Variants in ARAP1 observed in about 807,000 individuals in gnomAD.
ARAP1 encodes ArfGAP with RhoGAP domain, ankyrin repeat and PH domain 1, also known as arf-GAP with Rho-GAP domain, ANK repeat and PH domain-containing protein 1.
A neutral mutation model predicts 172.2 loss-of-function variants in ARAP1; 76 were observed. The observed-to-expected ratio is 0.44, with a 90% CI of 0.37 to 0.53. The LOEUF (loss-of-function observed/expected upper bound fraction) is 0.53, where lower values mean the gene tolerates loss of function less well. ARAP1 is among the 20% of genes least tolerant of loss of function. The pLI is 0.00. For missense variants in ARAP1, 1,686 were observed against 1,977.5 expected, an observed-to-expected ratio of 0.85 and a Z score of 2.80; for synonymous variants, 804 against 803.3, an observed-to-expected ratio of 1.00 and a Z score of -0.01.
intron 1 of ARAP1, among the ~76,000 whole-genome samples, chr11:72,751,574 C>A (rs770228497): frequency 2.6e-5 from 4 of 152,102 alleles, no homozygotes; most frequent in Non-Finnish European, 5.9e-5. Context: ...CAAATCCTTC[C>A]GAGTACCCCC....
intron 22 of ARAP1, 140 bp downstream of exon 22, chr11:72,696,843 G>A (rs931690587): frequency 8.8e-6 from 9 of 1,021,418 alleles, no homozygotes; most frequent in South Asian, 1.6e-5. Flanking sequence ...ATGGAGCGGC[G>A]ATGGGAATGA....
At position 72,722,561 on chromosome 11, in the gene ARAP1, G is replaced by A. The variant is rs376692661; in HGVS notation, c.509+4059C>T. Among the ~76,000 whole-genome samples the A allele has an allele frequency of 8.1e-4, 124 of 152,350 alleles. 2 individuals carry two copies. The highest frequency in any genetic ancestry group is 6.8e-3 in the Middle Eastern group (2 of 294). ...AGGAGACAGAGAGGCTAGGAAAGAG[G>A]CTCTCTGAAGGGCGCAAGTTCTGCC... On this transcript the variant is annotated intron_variant, in intron 3 of 34. Transcript: ENST00000393609.
intron 27 of ARAP1, 72 bp downstream of exon 27, chr11:72,694,908 G>A: frequency 2.2e-6 from 3 of 1,347,978 alleles, no homozygotes; most frequent in Non-Finnish European, 3.1e-6. Context: ...CAGGGTAGGG[G>A]AGGACAGACT....
At chr11:72,727,891 C>A (rs773434397) in intron 2 of ARAP1, among the ~76,000 whole-genome samples, 2 of 152,146 alleles carry the variant, frequency 1.3e-5, no homozygotes, top group Non-Finnish European at 2.9e-5. Flanking sequence ...GAGCTCCTGG[C>A]CTGGTGGGAG....
chr11:72,702,211 G>A (rs1235523969), intron 15 of ARAP1, among the ~76,000 whole-genome samples: 1 of 152,230 alleles, frequency 6.6e-6, no homozygotes, highest in Non-Finnish European at 1.5e-5. Flanking sequence ...GCCGTGGGGG[G>A]GCGGTGATCT....
intron 2 of ARAP1, 45 bp from the exon 3 acceptor site, chr11:72,727,217 G>C: frequency 7.0e-7 from 1 of 1,432,568 alleles, no homozygotes; most frequent in Non-Finnish European, 9.2e-7. Context: ...GGCTGCCGAG[G>C]ATTGGTCCCC....
chr11:72,734,692 C>T lies in ARAP1; in HGVS notation c.-127-2095G>A, dbSNP rs12280595. 1.6e-4 allele frequency among the ~76,000 whole-genome samples: 25 copies of T among 152,238 alleles called. No homozygotes were observed. In the East Asian group the frequency reaches 4.6e-3, roughly 28 times the overall value. ...TAAACAACTTTCCAAAGCCACACACCTAAGAAGGAGGCAGTATGAATATAG... is the reference window on the plus strand; with the variant it reads ...TAAACAACTTTCCAAAGCCACACACTTAAGAAGGAGGCAGTATGAATATAG... On this transcript the variant is annotated intron_variant, in intron 1 of 34. Transcript: ENST00000393609.
At chr11:72,739,959 T>G (rs67034709) in intron 1 of ARAP1, among the ~76,000 whole-genome samples, 1 of 152,122 alleles carries the variant, frequency 6.6e-6, no homozygotes, top group African/African-American at 2.4e-5. Context: ...TGCCCTGGCA[T>G]GGCACACTCC....
intron 21 of ARAP1, 32 bp downstream of exon 21, chr11:72,697,291 G>A: frequency 6.4e-7 from 1 of 1,573,724 alleles, no homozygotes; most frequent in Non-Finnish European, 8.6e-7. Context: ...CTCCGGGAGG[G>A]GCGGGGCTGG....
At chr11:72,696,503 C>A (rs762147428) in intron 23 of ARAP1, 46 bp downstream of exon 23, 87 of 1,435,906 alleles carry the variant, frequency 6.1e-5, no homozygotes, top group Middle Eastern at 3.7e-4. Flanking sequence ...GGTAGAAGAA[C>A]CTTCATCCCA....
At position 72,711,023 on chromosome 11, in the gene ARAP1, T is replaced by G; in HGVS notation, c.1211A>C (p.Asp404Ala). The G allele has an allele frequency of 6.2e-7, 1 of 1,614,138 alleles. No individual in the cohort carries two copies. Among genetic ancestry groups the G allele is most frequent in the Non-Finnish European group, 8.5e-7 (1 of 1,180,000 alleles). ...NRTFAFRAES[D>A]VERKEWMQAL... is the part of the protein sequence containing the mutation. ...ACACAACACCCCACACTCCCCACCA[T>G]CACTCTCTGCCCGGAAGGCAAAGGT... Residue 404 changes from aspartate (D) to alanine (A), a missense_variant and splice_region_variant, in exon 9 of 35, where the codon GAT (aspartate) becomes GCT (alanine). Transcript: ENST00000393609.
At chr11:72,712,694 TC>T in intron 5 of ARAP1, 126 bp from the exon 6 acceptor site, 1 of 1,452,730 alleles carries the variant, frequency 6.9e-7, no homozygotes, top group South Asian at 1.2e-5. Context: ...TAGTTCTGTT[TC>T]CTCACACTCC....
rs1411822981 is a variant in ARAP1, at chr11:72,726,723, C to T, written c.406G>A (p.Ala136Thr). 6.5e-7 allele frequency: 1 copy of T among 1,538,932 alleles called. No homozygotes were observed. Among genetic ancestry groups the T allele is most frequent in the East Asian group, 2.5e-5 (1 of 40,550 alleles). Reference sequence around the variant, plus strand: ...AGCGGGGGCAGCACAGGGTCTGGGGCAGCTGTGGATGGGGTGGTGAAGCAG... The same window carrying T: ...AGCGGGGGCAGCACAGGGTCTGGGGTAGCTGTGGATGGGGTGGTGAAGCAG... ...PTCFTTPSTA[A>T]PDPVLPPLPA... is the part of the protein sequence containing the mutation. The change falls in exon 3 of 35, where the codon GCC (alanine) becomes ACC (threonine). Residue 136 changes from alanine to threonine, a missense_variant. Coordinates refer to ENST00000393609, the MANE Select transcript of ARAP1 (RefSeq NM_001040118.3). This position sits in a 1 kb window ranked among gnomAD's most constrained non-coding sequence, Gnocchi z 6.5.
chr11:72,705,684 AAAGG>A, intron 13 of ARAP1, 117 bp downstream of exon 13: 1 of 1,076,648 alleles, frequency 9.3e-7, no homozygotes, highest in Non-Finnish European at 1.3e-6. Flanking sequence ...AGATTATCAC[AAAGG>A]GTCTCTTCCA....
In ARAP1 at chr11:72,693,131, C is replaced by T. The variant is rs1856011614; in HGVS notation, c.3954+194G>A. ...ATCCGGGTGCCAGGGCTTAGTGGGG[C>T]TACAGGGCACACTAGAGTGGCCGTC... On this transcript the variant is annotated intron_variant, in intron 29 of 34. Coordinates refer to ENST00000393609, the MANE Select transcript of ARAP1 (RefSeq NM_001040118.3). This position sits in a 1 kb window ranked among gnomAD's most constrained non-coding sequence, Gnocchi z 4.6. The T allele has an allele frequency of 2.4e-6, 2 of 842,474 alleles. No individual in the cohort carries two copies. The highest frequency in any genetic ancestry group is 5.4e-5 in the East Asian group (2 of 37,366). The allele number at this position is 842,474 out of a possible 1,614,324, so 52.2% of individuals were successfully genotyped here. A position where few individuals can be genotyped will look rare whatever the true frequency, so the allele number is the denominator to read the frequency against.
Position 72,695,115 on chromosome 11 carries a change from G to A in ARAP1, c.3577-18C>T. ...GCTGGGACCTGCAAGGACCAAGGAG[G>A]AGATTAGCCTGCCTGTGCCTAGCCC... On this transcript the variant is annotated intron_variant, in intron 26 of 34. Coordinates refer to ENST00000393609, the MANE Select transcript of ARAP1 (RefSeq NM_001040118.3). The surrounding 1 kb of genome is among the most constrained non-coding windows in gnomAD (Gnocchi z 4.4). 1 of 1,611,684 alleles carries A rather than the reference G, an allele frequency of 6.2e-7. No individual in the cohort carries two copies. The highest frequency in any genetic ancestry group is 8.5e-7 in the Non-Finnish European group (1 of 1,178,410).
chr11:72,699,077 C>T lies in ARAP1; in HGVS notation c.2469G>A (p.Glu823=), dbSNP rs1856348457. ...GFEHTFEVYT[E]GERLYLFGLE... is the part of the protein sequence containing the mutation. Reference sequence around the variant, plus strand: ...GCCCAAACAGGTACAGCCGTTCTCCCTCCGTGTACACCTCAAAGGTGTGCT... The same window carrying T: ...GCCCAAACAGGTACAGCCGTTCTCCTTCCGTGTACACCTCAAAGGTGTGCT... The change falls in exon 18 of 35, where the codon GAG becomes GAA. Residue 823 remains glutamate, a synonymous_variant. Coordinates refer to ENST00000393609, the MANE Select transcript of ARAP1 (RefSeq NM_001040118.3). The surrounding 1 kb of genome is among the most constrained non-coding windows in gnomAD (Gnocchi z 4.2). 2 of 1,614,214 alleles carry T rather than the reference C, an allele frequency of 1.2e-6. No individual in the cohort carries two copies. Among genetic ancestry groups the T allele is most frequent in the Non-Finnish European group, 1.7e-6 (2 of 1,180,046 alleles).
rs1857700746 is a variant in ARAP1 at position 72,726,631 on chromosome 11, GC to G, written c.497del (p.Arg166ProfsTer4). The G allele has an allele frequency of 6.6e-7, 1 of 1,514,326 alleles. No individual in the cohort carries two copies. The highest frequency in any genetic ancestry group is 1.4e-5 in the African/African-American group (1 of 73,374). 93.8% of individuals were successfully genotyped at this position (1,514,326 alleles called of 1,614,324 possible). A position where few individuals can be genotyped will look rare whatever the true frequency, so the allele number is the denominator to read the frequency against. On this transcript the variant is annotated frameshift_variant, in exon 3 of 35. Transcript: ENST00000393609. LOFTEE classifies it high-confidence loss of function. The surrounding 1 kb of genome is among the most constrained non-coding windows in gnomAD (Gnocchi z 6.5). ...PPVPPRTGPP[R>X]LLVSLPTKEE... is the part of the protein sequence containing the mutation. ...TGGCATCCACTCACCTCACCAGCAG[GC>G]GGGGGGGTCCGGTGCGGGGCGGCAC...
intron 8 of ARAP1, 122 bp downstream of exon 8, chr11:72,711,308 G>C: frequency 6.8e-7 from 1 of 1,470,862 alleles, no homozygotes; most frequent in Non-Finnish European, 9.4e-7. Flanking sequence ...GAGGACATGG[G>C]TTAAGGGGTC....
Sources: allele counts gnomAD v4.1 joint callset (sites outside exome capture counted in the v4.1 genomes callset), GRCh38; gene constraint gnomAD v4.1.1; non-coding constraint Gnocchi (gnomAD v3.1); transcripts MANE v1.5; gene names NCBI Gene and HGNC (gene_info 2026-07-23, HGNC 2026-07-21).